PCDHA8: variants seen among roughly 807,000 people sequenced by gnomAD.
PCDHA8 encodes the protein protocadherin alpha 8.
A neutral mutation model predicts 61.8 loss-of-function variants in PCDHA8; 53 were observed. The observed-to-expected ratio is 0.86, with a 90% CI of 0.69 to 1.08. The LOEUF (loss-of-function observed/expected upper bound fraction) is 1.08. Among genes scored for constraint, PCDHA8 ranks in the 50% least tolerant of loss-of-function variants. The probability of loss-of-function intolerance (pLI) is 0.00; values close to 1 mark genes in which losing one functional copy is unlikely to be tolerated. For missense variants in PCDHA8, 1,293 were observed against 1,245.0 expected (o/e 1.04, Z -0.58); for synonymous variants, 618 against 556.6 (o/e 1.11, Z -1.55).
chr5:140,870,028 T>A, intron 1 of PCDHA8: 1 of 1,613,550 alleles, frequency 6.2e-7, no homozygotes, highest in Non-Finnish European at 8.5e-7. Flanking sequence ...AACTTTAGAT[T>A]ATGAAGAAAA....
chr5:140,884,433 G>T, intron 1 of PCDHA8: 1 of 1,613,908 alleles, frequency 6.2e-7, no homozygotes, highest in Admixed American at 1.7e-5. Context: ...ACTGCGCTGC[G>T]GTGCTCGGCA....
intron 1 of PCDHA8, among the ~76,000 whole-genome samples, chr5:140,897,090 C>G (rs1420408825): frequency 6.6e-6 from 1 of 151,950 alleles, no homozygotes; most frequent in Non-Finnish European, 1.5e-5. Context: ...ATTTTTTATC[C>G]TCATTAAAAA....
intron 1 of PCDHA8, among the ~76,000 whole-genome samples, chr5:140,844,419 T>C (rs1779369734): frequency 6.7e-6 from 1 of 149,576 alleles, no homozygotes; most frequent in South Asian, 2.1e-4. Flanking sequence ...AGACATGTTT[T>C]TTATTCTACA....
intron 1 of PCDHA8, chr5:140,968,878 T>A (rs1554231201): frequency 6.2e-7 from 1 of 1,614,244 alleles, no homozygotes; most frequent in South Asian, 1.1e-5. Flanking sequence ...ACTCTGAAAT[T>A]ACCCTTTATC....
chr5:140,882,153 A>G (rs1197738298), intron 1 of PCDHA8: 9 of 1,505,320 alleles, frequency 6.0e-6, no homozygotes, highest in Admixed American at 2.3e-5. Flanking sequence ...CAGAAAGCGG[A>G]ATACCTCTTG....
intron 1 of PCDHA8, chr5:140,870,584 T>A (rs782563992): frequency 1.1e-5 from 18 of 1,613,672 alleles, no homozygotes; most frequent in Non-Finnish European, 1.3e-5. Flanking sequence ...TACTCGCTGG[T>A]GGAGCGGCGG....
Position 140,920,446 on chromosome 5 carries a change from A to G in PCDHA8, c.2395-58503A>G, listed in dbSNP as rs2079636964. 2.6e-5 allele frequency among the ~76,000 whole-genome samples: 4 copies of G among 152,114 alleles called. No homozygotes were observed. In the South Asian group the frequency reaches 8.3e-4, roughly 31 times the overall value. On this transcript the variant is annotated intron_variant, in intron 1 of 3. Coordinates refer to ENST00000531613, the MANE Select transcript of PCDHA8 (RefSeq NM_018911.3). ...CTCCCACACACCTCTTTTATACTGT[A>G]ATTGACAAATTTGTTATATTTCTGT...
At position 140,843,550 on chromosome 5, in the gene PCDHA8, T is replaced by C. The variant is rs1554140221; in HGVS notation, c.2229T>C (p.Ser743=). The part of the protein sequence containing the change: ...RAGKPTLVCS[S]AVGSWSYSQQ... ...GCAAGCCCACTCTGGTGTGCTCCAG[T>C]GCGGTGGGGAGCTGGTCATACTCGC... Residue 743 remains serine (S), a synonymous_variant, in exon 1 of 4, where the codon AGT becomes AGC. Coordinates refer to ENST00000531613, the MANE Select transcript of PCDHA8 (RefSeq NM_018911.3). 6.3e-7 allele frequency: 1 copy of C among 1,595,798 alleles called. No individual in the cohort carries two copies. The highest frequency in any genetic ancestry group is 1.3e-5 in the African/African-American group (1 of 74,350).
intron 3 of PCDHA8, among the ~76,000 whole-genome samples, chr5:140,999,635 A>C (rs2097866612): frequency 6.6e-6 from 1 of 152,192 alleles, no homozygotes; most frequent in Non-Finnish European, 1.5e-5. Flanking sequence ...AAGGTAGAGA[A>C]AACTGTGCAG....
At chr5:140,849,988 G>T (rs2150461736) in intron 1 of PCDHA8, 1 of 1,597,248 alleles carries the variant, frequency 6.3e-7, no homozygotes, top group Non-Finnish European at 8.6e-7. Flanking sequence ...GTGGAGCGGC[G>T]GTTGGGCGAG....
rs1554262721 is a variant in PCDHA8, at chr5:141,010,165, GA to G, written c.*230del. ...TTCTCTCCACTCTGGCTTGTTTTCA[GA>G]ACCTAAAAAGCAGACCCAAGTTTCC... On this transcript the variant is annotated 3_prime_UTR_variant, in exon 4 of 4. Coordinates refer to ENST00000531613, the MANE Select transcript of PCDHA8 (RefSeq NM_018911.3). The G allele has an allele frequency of 1.9e-6, 3 of 1,563,714 alleles. No homozygotes were observed.
intron 1 of PCDHA8, chr5:140,850,407 G>C: frequency 6.3e-7 from 1 of 1,597,938 alleles, no homozygotes; most frequent in Non-Finnish European, 8.6e-7. Context: ...GCGTGCCCTG[G>C]ACGAAACGGA....
chr5:140,876,806 T>C (rs1554168956), intron 1 of PCDHA8: 2 of 1,613,976 alleles, frequency 1.2e-6, no homozygotes, highest in South Asian at 2.2e-5. Context: ...TCCGTGGAGG[T>C]GGCCGACGTG....
chr5:140,972,350 A>G (rs897251940), intron 1 of PCDHA8, among the ~76,000 whole-genome samples: 3 of 150,008 alleles, frequency 2.0e-5, no homozygotes, highest in Admixed American at 1.3e-4. Flanking sequence ...GGGTCTCACT[A>G]TGTTGCACAT....
chr5:140,877,674 G>T (rs2057278019), intron 1 of PCDHA8: 2 of 1,613,630 alleles, frequency 1.2e-6, no homozygotes, highest in East Asian at 4.5e-5. Flanking sequence ...GGTGCGCGCC[G>T]GGCAAGCCCA....
chr5:140,994,515 C>A (rs1450335712), intron 3 of PCDHA8, among the ~76,000 whole-genome samples: 1 of 150,238 alleles, frequency 6.7e-6, no homozygotes, highest in African/African-American at 2.5e-5. Context: ...ACAGCCTGGG[C>A]AACATGGCAA....
At chr5:140,943,380 T>A (rs2093488086) in intron 1 of PCDHA8, among the ~76,000 whole-genome samples, 3 of 151,328 alleles carry the variant, frequency 2.0e-5, no homozygotes, top group Admixed American at 2.0e-4. Context: ...AATATACAGG[T>A]AAGAAATTAT....
chr5:140,901,953 G>A (rs545807968), intron 1 of PCDHA8, among the ~76,000 whole-genome samples: 8 of 151,830 alleles, frequency 5.3e-5, no homozygotes, highest in Non-Finnish European at 7.4e-5. Flanking sequence ...AGTTTTATTC[G>A]TGGCTATCGT....
chr5:140,958,089 C>A (rs2095409002), intron 1 of PCDHA8, among the ~76,000 whole-genome samples: 1 of 151,872 alleles, frequency 6.6e-6, no homozygotes, highest in African/African-American at 2.4e-5. Context: ...TAAAGTTGTA[C>A]AATAGTGTGT....
Sources: gnomAD v4.1 joint callset for allele counts (sites outside exome capture counted in the v4.1 genomes callset) on GRCh38, gnomAD v4.1.1 for gene constraint, MANE v1.5 for transcripts, NCBI Gene and HGNC (gene_info 2026-07-23, HGNC 2026-07-21) for gene names.